Variants in METAP1 observed in about 807,000 individuals in gnomAD.
METAP1 encodes the protein methionine aminopeptidase 1.
METAP1 carries 28 observed loss-of-function variants against 53.8 expected under a neutral mutation model. The observed-to-expected ratio is 0.52, with a 90% CI of 0.39 to 0.71. METAP1 has a LOEUF of 0.71. Among genes scored for constraint, METAP1 ranks in the 30% least tolerant of loss-of-function variants. METAP1 has a pLI of 0.00. For synonymous variants in METAP1, 181 were observed against 165.7 expected, an observed-to-expected ratio of 1.09 and a Z score of -0.71; for missense variants, 389 against 479.8, an observed-to-expected ratio of 0.81 and a Z score of 1.77.
chr4:99,038,620 A>G (rs1397658157), intron 4 of METAP1, among the ~76,000 whole-genome samples: 2 of 151,912 alleles, frequency 1.3e-5, no homozygotes, highest in Non-Finnish European at 2.9e-5. Flanking sequence ...ATTAGTTGAC[A>G]TTATTTTTGT....
At chr4:99,057,247 A>G (rs950819546) in intron 9 of METAP1, among the ~76,000 whole-genome samples, 15 of 152,248 alleles carry the variant, frequency 9.9e-5, no homozygotes, top group Admixed American at 7.2e-4. Context: ...CTTATGAAAC[A>G]TTATGAAAAT....
chr4:99,013,183 A>G (rs1477607228), intron 1 of METAP1, among the ~76,000 whole-genome samples: 1 of 152,140 alleles, frequency 6.6e-6, no homozygotes, highest in Admixed American at 6.5e-5. Context: ...TATTTTTTTA[A>G]AACCTAAGAC....
rs1357802870 is a variant in METAP1, at chr4:99,027,974, CT to C, written c.115-884del. Among the ~76,000 whole-genome samples, 120 of 150,566 alleles carry C rather than the reference CT, an allele frequency of 8.0e-4. 1 individual carries two copies. The highest frequency in any genetic ancestry group is 1.4e-3 in the Non-Finnish European group (94 of 67,562). On this transcript the variant is annotated intron_variant, in intron 1 of 10. Coordinates refer to ENST00000296411, the MANE Select transcript of METAP1 (RefSeq NM_015143.3). ...GTCCTAGGGATTTTTTTTTCCCGTGCTTTTTTTTTCCTTAACTTTCTTCTTG... is the reference window on the plus strand; with the variant it reads ...GTCCTAGGGATTTTTTTTTCCCGTGCTTTTTTTTCCTTAACTTTCTTCTTG...
chr4:99,048,759 T>C lies in METAP1; in HGVS notation c.814T>C (p.Leu272=), dbSNP rs1440333654. ...GAAGCCTGGTGTTCGGTACAGAGAA[T>C]TGGGAAACATTATCCAGAAGCATGC... The part of the protein sequence containing the change: ...AVKPGVRYRE[L]GNIIQKHAQA... The change falls in exon 9 of 11, where the codon TTG becomes CTG. Residue 272 remains leucine, a synonymous_variant. Transcript: ENST00000296411. The C allele has an allele frequency of 1.2e-6, 2 of 1,613,862 alleles. No individual in the cohort carries two copies. Among genetic ancestry groups the C allele is most frequent in the Non-Finnish European group, 1.7e-6 (2 of 1,179,866 alleles).
At chr4:99,058,344 A>G (rs1425959026) in intron 10 of METAP1, among the ~76,000 whole-genome samples, 1 of 152,072 alleles carries the variant, frequency 6.6e-6, no homozygotes, top group African/African-American at 2.4e-5. Context: ...TCAGCTCATG[A>G]GCTGTTCTGA....
At chr4:99,026,976 A>G (rs571369299) in intron 1 of METAP1, 4 of 451,648 alleles carry the variant, frequency 8.9e-6, no homozygotes, top group African/African-American at 8.5e-5. Context: ...AGTTTATTTA[A>G]TGAGAATAAT....
At chr4:99,049,845 A>C (rs1726562083) in intron 9 of METAP1, among the ~76,000 whole-genome samples, 1 of 152,214 alleles carries the variant, frequency 6.6e-6, no homozygotes, top group Admixed American at 6.5e-5. Flanking sequence ...AAAACAGTAC[A>C]TGAAAGCATT....
At chr4:99,007,069 C>T (rs868607334) in intron 1 of METAP1, among the ~76,000 whole-genome samples, 11 of 151,868 alleles carry the variant, frequency 7.2e-5, no homozygotes, top group African/African-American at 2.7e-4. Flanking sequence ...GTGATGCTCC[C>T]GCCTTGGCCT....
chr4:99,011,062 C>T (rs895581411), intron 1 of METAP1, among the ~76,000 whole-genome samples: 2 of 150,086 alleles, frequency 1.3e-5, no homozygotes, highest in African/African-American at 2.5e-5. Context: ...TTAATGAAAT[C>T]TTTAAGGTTT....
intron 8 of METAP1, 130 bp downstream of exon 8, chr4:99,045,440 T>G (rs906880991): frequency 1.0e-6 from 1 of 972,646 alleles, no homozygotes; most frequent in Non-Finnish European, 1.5e-6. Context: ...TAGCTTTGGT[T>G]GTTAGCAGTA....
At chr4:99,055,920 ATGTT>A (rs1727082578) in intron 9 of METAP1, among the ~76,000 whole-genome samples, 1 of 152,336 alleles carries the variant, frequency 6.6e-6, no homozygotes, top group South Asian at 2.1e-4. Context: ...TAAAAGTCAA[ATGTT>A]TGTTTTTCTT....
At chr4:99,046,283 G>A (rs533888160) in intron 8 of METAP1, among the ~76,000 whole-genome samples, 2 of 152,014 alleles carry the variant, frequency 1.3e-5, no homozygotes, top group South Asian at 2.1e-4. Flanking sequence ...GTGTGGTGGC[G>A]GGCGCCTGTA....
chr4:99,022,926 A>C, intron 1 of METAP1: 1 of 1,499,018 alleles, frequency 6.7e-7, no homozygotes. Context: ...TGACCTCACC[A>C]TAGGCACTGA....
At position 99,048,856 on chromosome 4, in the gene METAP1, C is replaced by T; in HGVS notation, c.911C>T (p.Pro304Leu). 1 of 1,613,962 alleles carries T rather than the reference C, an allele frequency of 6.2e-7. No homozygotes were observed. Among genetic ancestry groups the T allele is most frequent in the Non-Finnish European group, 8.5e-7 (1 of 1,179,872 alleles). ...HGIHKLFHTA[P>L]NVPHYAKNKA... Reference sequence around the variant, plus strand: ...ATCCACAAGCTTTTTCATACAGCTCCCAATGTACCCCACTATGCTAGTAAG... The same window carrying T: ...ATCCACAAGCTTTTTCATACAGCTCTCAATGTACCCCACTATGCTAGTAAG... The change falls in exon 9 of 11, where the codon CCC becomes CTC. Residue 304 changes from proline (P) to leucine (L), a missense_variant. Transcript: ENST00000296411.
intron 1 of METAP1, among the ~76,000 whole-genome samples, chr4:98,999,123 T>C (rs1203108291): frequency 6.6e-6 from 1 of 152,258 alleles, no homozygotes; most frequent in South Asian, 2.1e-4. Flanking sequence ...GTCTGTTTTT[T>C]AGTCGGAAGG....
intron 1 of METAP1, among the ~76,000 whole-genome samples, chr4:99,025,874 C>T (rs1431772165): frequency 6.6e-6 from 1 of 152,212 alleles, no homozygotes; most frequent in African/African-American, 2.4e-5. Flanking sequence ...GTCTCCACAA[C>T]CCCTTGTCTT....
chr4:98,997,859 C>T (rs549236155), intron 1 of METAP1, among the ~76,000 whole-genome samples: 1 of 152,298 alleles, frequency 6.6e-6, no homozygotes, highest in East Asian at 1.9e-4. Context: ...ATTTCTGTTA[C>T]CACCTCCTAT....
chr4:99,028,130 CATAA>C (rs1160535390), intron 1 of METAP1, among the ~76,000 whole-genome samples: 4 of 152,166 alleles, frequency 2.6e-5, no homozygotes, highest in African/African-American at 7.2e-5. Context: ...AACCTCAAAA[CATAA>C]ATAAAGTCTA....
In METAP1 at chr4:99,062,184, G is replaced by A. The variant is rs556403856; in HGVS notation, c.*867G>A. 2.6e-5 allele frequency: 4 copies of A among 152,172 alleles called. No homozygotes were observed. Among genetic ancestry groups the A allele is most frequent in the Non-Finnish European group, 5.9e-5 (4 of 68,048 alleles). The allele number at this position is 152,172 out of a possible 1,614,324, so 9.4% of individuals were successfully genotyped here. A position where few individuals can be genotyped will look rare whatever the true frequency, so the allele number is the denominator to read the frequency against. On this transcript the variant is annotated 3_prime_UTR_variant, in exon 11 of 11. Coordinates refer to ENST00000296411, the MANE Select transcript of METAP1 (RefSeq NM_015143.3). ...TTTACTTCAAGGGCATACCTTGGAG[G>A]TGCTCAGAGAAGCGTGAAGTTTGCA...
Sources: allele counts gnomAD v4.1 joint callset (sites outside exome capture counted in the v4.1 genomes callset), GRCh38; gene constraint gnomAD v4.1.1; transcripts MANE v1.5; gene names NCBI Gene and HGNC (gene_info 2026-07-23, HGNC 2026-07-21).